TWSG1: variants seen among roughly 807,000 people sequenced by gnomAD.
The protein encoded by TWSG1 is twisted gastrulation protein homolog 1.
TWSG1 carries 15 observed loss-of-function variants against 23.0 expected under a neutral mutation model. That is an observed-to-expected ratio of 0.65 (90% CI 0.44 to 1.00). TWSG1 has a LOEUF of 1.00. TWSG1 is among the 50% of genes least tolerant of loss of function. TWSG1 has a pLI of 0.00. For synonymous variants in TWSG1, 86 were observed against 92.8 expected, an observed-to-expected ratio of 0.93 and a Z score of 0.42; for missense variants, 242 against 278.7, an observed-to-expected ratio of 0.87 and a Z score of 0.94.
chr18:9,336,279 C>T (rs567615292), intron 1 of TWSG1, among the ~76,000 whole-genome samples: 290 of 152,024 alleles, frequency 1.9e-3, no homozygotes, highest in African/African-American at 6.7e-3. Flanking sequence ...GTGATCCCAG[C>T]TACTCGGGAG....
chr18:9,367,619 G>A (rs560346903), intron 3 of TWSG1, among the ~76,000 whole-genome samples: 18 of 152,228 alleles, frequency 1.2e-4, no homozygotes, highest in African/African-American at 3.9e-4. Flanking sequence ...CCTGAGCTCC[G>A]TCTCCTGTCA....
chr18:9,364,129 C>T (rs1042738008), intron 3 of TWSG1, among the ~76,000 whole-genome samples: 3 of 152,148 alleles, frequency 2.0e-5, no homozygotes, highest in Non-Finnish European at 4.4e-5. Flanking sequence ...CTTTAATATT[C>T]CATTGGCTTT....
In TWSG1 at chr18:9,399,544, C is replaced by G. The variant is rs1275531982; in HGVS notation, c.*17C>G. On this transcript the variant is annotated 3_prime_UTR_variant, in exon 5 of 5. Transcript: ENST00000262120. ...ATGTTTTAAAGAAGACAAATGCAAA[C>G]CAAAGCAACTTAGTAAAATAATAGG... is the stretch of plus-strand genomic sequence containing the variant. 2 of 1,582,616 alleles carry G rather than the reference C, an allele frequency of 1.3e-6. No homozygotes were observed. The highest frequency in any genetic ancestry group is 1.9e-5 in the Admixed American group (1 of 53,302).
At chr18:9,378,080 A>G (rs1598831268) in intron 3 of TWSG1, among the ~76,000 whole-genome samples, 1 of 152,370 alleles carries the variant, frequency 6.6e-6, no homozygotes, top group African/African-American at 2.4e-5. Flanking sequence ...AATTTCATTA[A>G]AATTAAAAAT....
intron 3 of TWSG1, among the ~76,000 whole-genome samples, chr18:9,372,425 C>T (rs1191552723): frequency 6.7e-6 from 1 of 149,618 alleles, no homozygotes; most frequent in Non-Finnish European, 1.5e-5. Context: ...ATCTCTGTCT[C>T]TTTCTCTCAA....
At chr18:9,343,877 G>A (rs1462775117) in intron 2 of TWSG1, among the ~76,000 whole-genome samples, 3 of 152,168 alleles carry the variant, frequency 2.0e-5, no homozygotes, top group African/African-American at 7.2e-5. Context: ...TCAAGTTTCA[G>A]TGTGTGGATG....
intron 3 of TWSG1, among the ~76,000 whole-genome samples, chr18:9,389,138 G>A (rs990973372): frequency 7.2e-5 from 11 of 151,920 alleles, no homozygotes; most frequent in Non-Finnish European, 1.5e-4. Flanking sequence ...CACCATGCCA[G>A]GCTAATTTTG....
chr18:9,396,772 G>T lies in TWSG1; in HGVS notation c.490+226G>T, dbSNP rs1031846846. ...CTCCAATCCTTGAGTAGATAAAAAG[G>T]CATGTCGGCTGGGCGTGGTGGCTCA... On this transcript the variant is annotated intron_variant, in intron 4 of 4. Coordinates refer to ENST00000262120, the MANE Select transcript of TWSG1 (RefSeq NM_020648.6). The T allele has an allele frequency of 1.8e-5, 11 of 608,082 alleles. No individual in the cohort carries two copies. In the African/African-American group the frequency reaches 2.1e-4, roughly 11 times the overall value. 37.7% of individuals were successfully genotyped at this position (608,082 alleles called of 1,614,324 possible).
At chr18:9,357,361 T>G (rs2145605166) in intron 2 of TWSG1, among the ~76,000 whole-genome samples, 1 of 152,318 alleles carries the variant, frequency 6.6e-6, no homozygotes, top group Non-Finnish European at 1.5e-5. Flanking sequence ...AAGTGTTGAT[T>G]CTTGAAAGTG....
intron 3 of TWSG1, among the ~76,000 whole-genome samples, chr18:9,365,403 A>C (rs1024080314): frequency 4.6e-5 from 7 of 152,130 alleles, no homozygotes; most frequent in Admixed American, 1.3e-4. Context: ...GCCTGAGCGC[A>C]GTTGCTCGTG....
At chr18:9,376,150 C>T (rs2040629489) in intron 3 of TWSG1, among the ~76,000 whole-genome samples, 1 of 152,178 alleles carries the variant, frequency 6.6e-6, no homozygotes, top group Non-Finnish European at 1.5e-5. Context: ...CTCCTGACCT[C>T]AAGTGATCCC....
chr18:9,343,399 A>AT (rs1043032052), intron 2 of TWSG1, among the ~76,000 whole-genome samples: 15 of 151,410 alleles, frequency 9.9e-5, no homozygotes, highest in South Asian at 4.2e-4. Context: ...TCTCTGTTAG[A>AT]TTTTTTTTAA....
intron 4 of TWSG1, chr18:9,397,071 A>AT (rs2040740909): frequency 6.5e-6 from 1 of 154,888 alleles, no homozygotes; most frequent in Admixed American, 6.4e-5. Flanking sequence ...AAAAAAAAAA[A>AT]AGATAAAGAG....
At chr18:9,336,770 C>G (rs2040425314) in intron 1 of TWSG1, among the ~76,000 whole-genome samples, 1 of 152,220 alleles carries the variant, frequency 6.6e-6, no homozygotes, top group African/African-American at 2.4e-5. Flanking sequence ...TCTACTTTCA[C>G]AGTCACCATT....
chr18:9,398,906 G>A lies in TWSG1; in HGVS notation c.491-440G>A, dbSNP rs545723005. On this transcript the variant is annotated intron_variant, in intron 4 of 4. Transcript: ENST00000262120. ...TGCTTGTAATCCCAGCTACTCGGGA[G>A]ACTGAGGCAGAGAATCACTTGAACC... Among the ~76,000 whole-genome samples, 6 of 152,040 alleles carry A rather than the reference G, an allele frequency of 3.9e-5. No individual in the cohort carries two copies. In the South Asian group the frequency reaches 1.2e-3, roughly 32 times the overall value.
intron 3 of TWSG1, among the ~76,000 whole-genome samples, chr18:9,374,261 A>G (rs2040618954): frequency 1.3e-5 from 2 of 152,304 alleles, no homozygotes; most frequent in African/African-American, 4.8e-5. Flanking sequence ...GTTTTTTTCA[A>G]ACAGTTCAAT....
chr18:9,389,945 A>G (rs1029838448), intron 3 of TWSG1, among the ~76,000 whole-genome samples: 1 of 152,370 alleles, frequency 6.6e-6, no homozygotes, highest in East Asian at 1.9e-4. Context: ...ATTTTACACT[A>G]TAGTGTAGTT....
intron 3 of TWSG1, among the ~76,000 whole-genome samples, chr18:9,380,361 G>A (rs1341702344): frequency 3.3e-5 from 5 of 152,098 alleles, no homozygotes; most frequent in Non-Finnish European, 5.9e-5. Context: ...TTCCAGCCAC[G>A]CAGTCTTGCT....
At chr18:9,389,899 C>T (rs1238656093) in intron 3 of TWSG1, among the ~76,000 whole-genome samples, 3 of 152,158 alleles carry the variant, frequency 2.0e-5, no homozygotes, top group Non-Finnish European at 2.9e-5. Context: ...AAGTGAGTCA[C>T]GCAAATACTT....
Sources: allele counts gnomAD v4.1 joint callset (sites outside exome capture counted in the v4.1 genomes callset), GRCh38; gene constraint gnomAD v4.1.1; transcripts MANE v1.5; gene names NCBI Gene and HGNC (gene_info 2026-07-23, HGNC 2026-07-21).